LRRC4C: variants seen among roughly 807,000 people sequenced by gnomAD.
The protein encoded by LRRC4C is leucine-rich repeat-containing protein 4C.
In LRRC4C, 5 loss-of-function variants were observed where a neutral mutation model predicts 33.6. The observed-to-expected ratio is 0.15, with a 90% confidence interval of 0.08 to 0.31. The LOEUF is 0.31. LRRC4C is among the 10% of genes least tolerant of loss of function. The pLI, the probability that LRRC4C is intolerant of heterozygous loss-of-function variation, is 1.00. For synonymous variants in LRRC4C, 329 were observed against 302.0 expected (o/e 1.09, Z -0.93); for missense variants, 560 against 796.7 (o/e 0.70, Z 3.58).
At chr11:41,145,087 C>A (rs1460794622) in intron 1 of LRRC4C, among the ~76,000 whole-genome samples, 1 of 152,126 alleles carries the variant, frequency 6.6e-6, no homozygotes, top group Admixed American at 6.6e-5. Context: ...ATACGTAATA[C>A]ATTGAGCAAA....
In LRRC4C at chr11:40,701,840, C is replaced by G. The variant is rs189680798; in HGVS notation, c.-406-53562G>C. ...GAAATTTAAAAAATCATTTTACTTT[C>G]CAATAAGAAAAATGTTTCTAGTTTA... On this transcript the variant is annotated intron_variant, in intron 2 of 6. Transcript: ENST00000528697. Among the ~76,000 whole-genome samples the G allele has an allele frequency of 1.5e-3, 232 of 151,662 alleles. 1 individual carries two copies. Among genetic ancestry groups the G allele is most frequent in the African/African-American group, 5.5e-3 (226 of 41,430 alleles).
intron 1 of LRRC4C, among the ~76,000 whole-genome samples, chr11:41,017,614 G>A (rs1855684366): frequency 1.3e-5 from 2 of 151,796 alleles, no homozygotes; most frequent in Non-Finnish European, 2.9e-5. Flanking sequence ...CTTACACTCT[G>A]TTTTAGAGAG....
At chr11:40,884,542 C>T (rs1344280072) in intron 2 of LRRC4C, among the ~76,000 whole-genome samples, 1 of 151,950 alleles carries the variant, frequency 6.6e-6, no homozygotes, top group Admixed American at 6.6e-5. Context: ...AGTGTAAAAG[C>T]ATTGATGCAG....
At chr11:40,746,347 C>T (rs377543138) in intron 2 of LRRC4C, among the ~76,000 whole-genome samples, 10 of 152,264 alleles carry the variant, frequency 6.6e-5, no homozygotes, top group East Asian at 5.8e-4. Flanking sequence ...CCTAACACAC[C>T]GTGTACTCTC....
At chr11:40,131,735 A>G (rs1275992944) in intron 6 of LRRC4C, among the ~76,000 whole-genome samples, 1 of 152,184 alleles carries the variant, frequency 6.6e-6, no homozygotes, top group Non-Finnish European at 1.5e-5. Flanking sequence ...TCAATACTGT[A>G]GGAATATTTG....
intron 1 of LRRC4C, among the ~76,000 whole-genome samples, chr11:41,323,961 A>C (rs900374481): frequency 1.3e-5 from 2 of 152,174 alleles, no homozygotes; most frequent in African/African-American, 2.4e-5. Flanking sequence ...TTTCATTTTG[A>C]TATTAAAAGT....
At chr11:40,768,292 A>C (rs1370416383) in intron 2 of LRRC4C, among the ~76,000 whole-genome samples, 1 of 152,090 alleles carries the variant, frequency 6.6e-6, no homozygotes, top group Non-Finnish European at 1.5e-5. Context: ...GCATAGACCA[A>C]TAACAATTAA....
At chr11:40,305,865 G>C (rs1029337959) in intron 4 of LRRC4C, among the ~76,000 whole-genome samples, 6 of 152,154 alleles carry the variant, frequency 3.9e-5, no homozygotes, top group Non-Finnish European at 8.8e-5. Context: ...ACAGTTGCTG[G>C]CATCCAATAA....
chr11:40,798,669 G>T (rs1299914268), intron 2 of LRRC4C, among the ~76,000 whole-genome samples: 3 of 142,652 alleles, frequency 2.1e-5, no homozygotes, highest in Non-Finnish European at 4.5e-5. Context: ...TTGAGATGGA[G>T]TTTCACTCTT....
chr11:40,312,416 G>C (rs1945359810), intron 4 of LRRC4C, among the ~76,000 whole-genome samples: 1 of 152,152 alleles, frequency 6.6e-6, no homozygotes, highest in South Asian at 2.1e-4. Context: ...ACAGTGCTGT[G>C]AGATAATTCA....
At chr11:40,304,808 T>C (rs546489345) in intron 4 of LRRC4C, among the ~76,000 whole-genome samples, 54 of 151,874 alleles carry the variant, frequency 3.6e-4, no homozygotes, top group Middle Eastern at 6.8e-3. Context: ...CTCGGCTCAC[T>C]GCAACCTCTG....
chr11:40,517,052 G>A (rs1411418110), intron 3 of LRRC4C, among the ~76,000 whole-genome samples: 1 of 152,088 alleles, frequency 6.6e-6, no homozygotes. Context: ...ATTCATACTG[G>A]TTCTGGCTTG....
chr11:41,023,173 CA>C (rs1856104414), intron 1 of LRRC4C, among the ~76,000 whole-genome samples: 1 of 151,672 alleles, frequency 6.6e-6, no homozygotes, highest in South Asian at 2.1e-4. Flanking sequence ...ACTGGTTCTA[CA>C]AATGGACACT....
intron 2 of LRRC4C, among the ~76,000 whole-genome samples, chr11:40,659,755 T>C (rs2136201921): frequency 6.6e-6 from 1 of 152,306 alleles, no homozygotes; most frequent in South Asian, 2.1e-4. Flanking sequence ...AGCTATCCAC[T>C]TTGGGTCTTG....
At chr11:40,316,636 C>T (rs938654831) in intron 4 of LRRC4C, among the ~76,000 whole-genome samples, 16 of 151,910 alleles carry the variant, frequency 1.1e-4, no homozygotes, top group Non-Finnish European at 1.9e-4. Context: ...GTTTAATAAA[C>T]TTTCACAAAG....
chr11:40,645,936 C>T (rs1019254879), intron 3 of LRRC4C, among the ~76,000 whole-genome samples: 1 of 152,192 alleles, frequency 6.6e-6, no homozygotes, highest in Admixed American at 6.5e-5. Flanking sequence ...GCCCCTCCTC[C>T]AGTATTCTAA....
intron 2 of LRRC4C, among the ~76,000 whole-genome samples, chr11:40,897,934 T>C (rs1956023304): frequency 6.6e-6 from 1 of 152,214 alleles, no homozygotes; most frequent in Non-Finnish European, 1.5e-5. Flanking sequence ...AGGAAGAATA[T>C]ATTTTGCTTG....
intron 1 of LRRC4C, among the ~76,000 whole-genome samples, chr11:40,987,648 T>TG (rs1472176377): frequency 2.0e-5 from 1 of 49,074 alleles, no homozygotes; most frequent in East Asian, 8.0e-4. Flanking sequence ...TATATATATA[T>TG]ATATCTCATA....
chr11:40,774,939 A>G (rs1231276552), intron 2 of LRRC4C, among the ~76,000 whole-genome samples: 3 of 152,094 alleles, frequency 2.0e-5, no homozygotes, highest in Admixed American at 2.0e-4. Flanking sequence ...TGGCATATTA[A>G]TCTCTGCTCT....
Sources: gnomAD v4.1 joint callset for allele counts (sites outside exome capture counted in the v4.1 genomes callset) on GRCh38, gnomAD v4.1.1 for gene constraint, MANE v1.5 for transcripts, NCBI Gene and HGNC (gene_info 2026-07-23, HGNC 2026-07-21) for gene names.